Variants in KHDRBS3 observed in about 807,000 individuals in gnomAD.
KHDRBS3 encodes KH domain-containing, RNA-binding, signal transduction-associated protein 3.
A neutral mutation model predicts 45.6 loss-of-function variants in KHDRBS3; 23 were observed. That is an observed-to-expected ratio of 0.50 (90% confidence interval 0.36 to 0.72). The LOEUF (loss-of-function observed/expected upper bound fraction) is 0.72, where lower values mean the gene tolerates loss of function less well. Among genes scored for constraint, KHDRBS3 ranks in the 30% least tolerant of loss-of-function variants. The pLI, the probability that KHDRBS3 is intolerant of heterozygous loss-of-function variation, is 0.00. For synonymous variants in KHDRBS3, 162 were observed against 156.5 expected (o/e 1.04, Z -0.26); for missense variants, 352 against 424.8 (o/e 0.83, Z 1.51).
chr8:135,566,365 C>T (rs1197873527), intron 5 of KHDRBS3, among the ~76,000 whole-genome samples: 1 of 152,098 alleles, frequency 6.6e-6, no homozygotes, highest in Non-Finnish European at 1.5e-5. Flanking sequence ...AGAGGAGGAA[C>T]TTGATTTTTT....
At chr8:135,591,002 ACTC>A (rs985489563) in intron 6 of KHDRBS3, among the ~76,000 whole-genome samples, 4 of 152,136 alleles carry the variant, frequency 2.6e-5, no homozygotes, top group African/African-American at 9.7e-5. Context: ...GAATACAAAA[ACTC>A]CTTTCTTCAG....
At chr8:135,525,960 A>T (rs1825161619) in intron 2 of KHDRBS3, among the ~76,000 whole-genome samples, 1 of 152,232 alleles carries the variant, frequency 6.6e-6, no homozygotes, top group South Asian at 2.1e-4. Context: ...TGGTGATCCC[A>T]TAAGATTATA....
intron 7 of KHDRBS3, chr8:135,625,638 A>G: frequency 6.9e-6 from 6 of 865,762 alleles, no homozygotes; most frequent in East Asian, 2.4e-5. Flanking sequence ...ATTTGCATCA[A>G]AAAACTTCTT....
chr8:135,569,102 T>TA (rs987076762), intron 5 of KHDRBS3, among the ~76,000 whole-genome samples: 52 of 151,882 alleles, frequency 3.4e-4, no homozygotes, highest in Non-Finnish European at 6.8e-4. Context: ...CCCTGTAGTT[T>TA]AAAAAAAAGC....
chr8:135,620,556 C>T (rs1297337722), intron 7 of KHDRBS3, among the ~76,000 whole-genome samples: 1 of 152,190 alleles, frequency 6.6e-6, no homozygotes, highest in Non-Finnish European at 1.5e-5. Flanking sequence ...TGTGAAAGTA[C>T]ATTGTCATCA....
chr8:135,623,705 G>A (rs1033561560), intron 7 of KHDRBS3, among the ~76,000 whole-genome samples: 1 of 152,056 alleles, frequency 6.6e-6, no homozygotes, highest in Admixed American at 6.6e-5. Context: ...AGTCTAAAAG[G>A]CCGCAAAAGA....
intron 1 of KHDRBS3, among the ~76,000 whole-genome samples, chr8:135,499,603 C>A (rs1823631243): frequency 6.6e-6 from 1 of 152,210 alleles, no homozygotes. Flanking sequence ...ATATAGCCAG[C>A]AAGCAGCATT....
chr8:135,616,842 A>G (rs1002353165), intron 7 of KHDRBS3, among the ~76,000 whole-genome samples: 1 of 152,210 alleles, frequency 6.6e-6, no homozygotes, highest in African/African-American at 2.4e-5. Flanking sequence ...TGTTTCATAC[A>G]TTCTTAAAAT....
intron 2 of KHDRBS3, among the ~76,000 whole-genome samples, chr8:135,537,205 G>A (rs1825825388): frequency 6.6e-6 from 1 of 152,128 alleles, no homozygotes. Context: ...TGGAAGAAGA[G>A]CATGTTTGAA....
intron 3 of KHDRBS3, among the ~76,000 whole-genome samples, chr8:135,547,640 T>A (rs543400333): frequency 6.6e-6 from 1 of 152,216 alleles, no homozygotes; most frequent in East Asian, 1.9e-4. Flanking sequence ...TCAAGGGCTA[T>A]GTGCCTCTAG....
chr8:135,612,539 T>C (rs1829747269), intron 7 of KHDRBS3, among the ~76,000 whole-genome samples: 1 of 151,918 alleles, frequency 6.6e-6, no homozygotes. Flanking sequence ...ATGTAGCACT[T>C]GATGTCTTAT....
chr8:135,467,993 A>C (rs991611353), intron 1 of KHDRBS3, among the ~76,000 whole-genome samples: 7 of 152,324 alleles, frequency 4.6e-5, no homozygotes, highest in South Asian at 4.1e-4. Flanking sequence ...TCTACTGAAA[A>C]GGAATCTTTT....
chr8:135,482,591 A>G (rs1273408474), intron 1 of KHDRBS3, among the ~76,000 whole-genome samples: 2 of 151,950 alleles, frequency 1.3e-5, no homozygotes, highest in African/African-American at 4.8e-5. Context: ...ATCTCCATTT[A>G]CTTCTTTGAG....
intron 7 of KHDRBS3, among the ~76,000 whole-genome samples, chr8:135,639,353 T>C (rs4909499): frequency 1 from 151,907 of 152,322 alleles, 75,748 homozygotes; most frequent in East Asian, 1. Flanking sequence ...CTAAAGGAGG[T>C]CAGGTCAGTG....
chr8:135,583,299 G>A (rs60027968), intron 6 of KHDRBS3, among the ~76,000 whole-genome samples: 2,800 of 152,278 alleles, frequency 0.018, 85 homozygotes, highest in African/African-American at 0.063. Flanking sequence ...AGTTTTACAA[G>A]TTTGTTATTC....
intron 7 of KHDRBS3, among the ~76,000 whole-genome samples, chr8:135,642,582 G>C (rs546935149): frequency 5.3e-5 from 8 of 152,278 alleles, no homozygotes; most frequent in African/African-American, 1.9e-4. Context: ...GTCAGCTGTA[G>C]TAGTGACTAT....
intron 7 of KHDRBS3, among the ~76,000 whole-genome samples, chr8:135,615,007 C>T (rs1197225805): frequency 6.6e-6 from 1 of 151,766 alleles, no homozygotes; most frequent in Non-Finnish European, 1.5e-5. Context: ...TTTGGCTGAA[C>T]TGACCTAACA....
intron 1 of KHDRBS3, among the ~76,000 whole-genome samples, chr8:135,505,084 G>A (rs143356995): frequency 6.6e-6 from 1 of 152,118 alleles, no homozygotes; most frequent in Non-Finnish European, 1.5e-5. Flanking sequence ...TTTTCTTTAG[G>A]GCCTTATTAA....
chr8:135,458,204 T>A, intron 1 of KHDRBS3: 1 of 1,271,106 alleles, frequency 7.9e-7, no homozygotes, highest in Non-Finnish European at 9.9e-7. Flanking sequence ...AAGGAAATCT[T>A]TGGGGACTCG....
Sources: gnomAD v4.1 joint callset for allele counts (sites outside exome capture counted in the v4.1 genomes callset) on GRCh38, gnomAD v4.1.1 for gene constraint, MANE v1.5 for transcripts, NCBI Gene and HGNC (gene_info 2026-07-23, HGNC 2026-07-21) for gene names.